The following ARMC2 variants were observed in gnomAD, a reference collection of about 807,000 sequenced individuals.
The protein encoded by ARMC2 is armadillo repeat containing 2.
Under a neutral mutation model 90.3 loss-of-function variants are expected in ARMC2, and 67 were observed. The ratio of observed to expected loss-of-function variants is 0.74; its 90% CI spans 0.61 to 0.91. The LOEUF (loss-of-function observed/expected upper bound fraction) is 0.91. ARMC2 is among the 40% of genes least tolerant of loss of function. The pLI is 0.00. For synonymous variants in ARMC2, 393 were observed against 393.0 expected, an observed-to-expected ratio of 1.00 and a Z score of 0.00; for missense variants, 920 against 1,030.9, an observed-to-expected ratio of 0.89 and a Z score of 1.47.
In ARMC2 at chr6:108,953,021, C is replaced by T. The variant is rs1367334446; in HGVS notation, c.1597-12C>T. 5.6e-6 allele frequency: 9 copies of T among 1,593,068 alleles called. No homozygotes were observed. The highest frequency in any genetic ancestry group is 2.3e-5 in the East Asian group (1 of 44,372). On this transcript the variant is annotated splice_polypyrimidine_tract_variant and intron_variant, in intron 12 of 17. Transcript: ENST00000392644. ...CCTTTGCACTTTTGACTCTGTCTTT[C>T]GTTTATTGCAGGATTTAGTCGTCCG...
At chr6:108,919,897 T>TG (rs1774382471) in intron 10 of ARMC2, among the ~76,000 whole-genome samples, 1 of 152,240 alleles carries the variant, frequency 6.6e-6, no homozygotes, top group African/African-American at 2.4e-5. Flanking sequence ...CTTTTGTGTC[T>TG]GGCACCTTTT....
At chr6:108,865,014 T>C (rs994527846) in intron 3 of ARMC2, among the ~76,000 whole-genome samples, 5 of 151,496 alleles carry the variant, frequency 3.3e-5, no homozygotes, top group Admixed American at 1.3e-4. Flanking sequence ...TTTTTTTTTT[T>C]TTGAGACAGA....
Position 108,964,195 on chromosome 6 carries a change from T to A in ARMC2, c.2168T>A (p.Met723Lys). 2 of 1,613,860 alleles carry A rather than the reference T, an allele frequency of 1.2e-6. No individual in the cohort carries two copies. Among genetic ancestry groups the A allele is most frequent in the Non-Finnish European group, 1.7e-6 (2 of 1,179,826 alleles). Residue 723 changes from methionine to lysine, a missense_variant, in exon 16 of 18, where the codon ATG (methionine) becomes AAG (lysine). By Grantham distance (95) the Met-to-Lys change is moderately conservative. Coordinates refer to ENST00000392644, the MANE Select transcript of ARMC2 (RefSeq NM_032131.6). ...TCCCTCGTAGTCCACAGGTTCATGA[T>A]GGCGCTGCTGGATGCTCAGCATCAG... ...IVQNNVHRFM[M>K]ALLDAQHQDI...
chr6:108,861,671 T>C (rs1775255790), intron 3 of ARMC2, among the ~76,000 whole-genome samples: 1 of 152,180 alleles, frequency 6.6e-6, no homozygotes, highest in East Asian at 1.9e-4. Flanking sequence ...TGTTGACACA[T>C]GGCTTGTTAA....
rs869186045 is a variant in ARMC2, at chr6:108,890,189, C to CAAAAAA, written c.672-4243_672-4238dup. ...TGGGTGACAGAGCGAGACTCCGTCT[C>CAAAAAA]AAAAAAAAAAAAAAAAAAAAAAAAA... On this transcript the variant is annotated intron_variant, in intron 5 of 17. Coordinates refer to ENST00000392644, the MANE Select transcript of ARMC2 (RefSeq NM_032131.6). Among the ~76,000 whole-genome samples, 327 of 64,230 alleles carry CAAAAAA rather than the reference C, an allele frequency of 5.1e-3. 50 individuals are homozygous for CAAAAAA. The highest frequency in any genetic ancestry group is 9.0e-3 in the African/African-American group (100 of 11,128). The allele number at this position is 64,230 out of a possible 152,430, so 42.1% of individuals were successfully genotyped here. A position where few individuals can be genotyped will look rare whatever the true frequency, so the allele number is the denominator to read the frequency against.
At chr6:108,888,955 A>G (rs935569520) in intron 5 of ARMC2, among the ~76,000 whole-genome samples, 2 of 152,128 alleles carry the variant, frequency 1.3e-5, no homozygotes, top group Admixed American at 6.6e-5. Context: ...TTGCCTGTCA[A>G]ATCAGATTCA....
chr6:108,950,259 C>T (rs1361205184), intron 12 of ARMC2, among the ~76,000 whole-genome samples: 2 of 152,070 alleles, frequency 1.3e-5, no homozygotes, highest in Non-Finnish European at 2.9e-5. Context: ...CCCAGAAATC[C>T]CATTATTGGG....
chr6:108,931,237 C>T (rs932231138), intron 11 of ARMC2, among the ~76,000 whole-genome samples: 6 of 151,870 alleles, frequency 4.0e-5, no homozygotes, highest in Non-Finnish European at 8.8e-5. Context: ...TCCATGTTCA[C>T]GCATAAGACT....
At chr6:108,903,271 T>C (rs1181081502) in intron 7 of ARMC2, among the ~76,000 whole-genome samples, 2 of 152,142 alleles carry the variant, frequency 1.3e-5, no homozygotes, top group Non-Finnish European at 2.9e-5. Context: ...TTAAATTTAT[T>C]TTTTATTTTA....
rs1440755836 is a variant in ARMC2 at position 108,928,379 on chromosome 6, A to G, written c.1496+146A>G. 6 of 817,440 alleles carry G rather than the reference A, an allele frequency of 7.3e-6. 1 individual carries two copies. In the East Asian group the frequency reaches 1.7e-4, roughly 24 times the overall value. 50.6% of individuals were successfully genotyped at this position (817,440 alleles called of 1,614,324 possible). On this transcript the variant is annotated intron_variant, in intron 11 of 17. Transcript: ENST00000392644. ...CCAGAAAGGGTAAATCTAGTGGCCC[A>G]AGTTAAAAATGAACAATTCAAACAA...
chr6:108,871,649 A>G (rs1038539677), intron 4 of ARMC2, among the ~76,000 whole-genome samples: 1 of 152,084 alleles, frequency 6.6e-6, no homozygotes, highest in African/African-American at 2.4e-5. Flanking sequence ...TGAGGTACAC[A>G]CTGATGTGAA....
chr6:108,868,884 C>A lies in ARMC2; in HGVS notation c.352C>A (p.Pro118Thr), dbSNP rs1311232366. Residue 118 changes from proline to threonine, a missense_variant, in exon 4 of 18, where the codon CCC (proline) becomes ACC (threonine). Transcript: ENST00000392644. ...EEDSCFSFPKPPVDPAKIRRV... is the reference protein window; with the variant it reads ...EEDSCFSFPKTPVDPAKIRRV... The stretch of plus-strand genomic sequence containing the variant: ...GGATTCCTGCTTTTCCTTTCCTAAG[C>A]CCCCAGTGGACCCTGCGAAGATTAG... The A allele has an allele frequency of 1.2e-6, 2 of 1,613,834 alleles. No homozygotes were observed. Among genetic ancestry groups the A allele is most frequent in the African/African-American group, 2.7e-5 (2 of 74,910 alleles).
chr6:109,044,178 A>G, the ARMC2 span, among the ~76,000 whole-genome samples: 1 of 151,772 alleles, frequency 6.6e-6, no homozygotes, highest in African/African-American at 2.4e-5. Context: ...ATCCAGGCAT[A>G]GTGGCACCTG....
At chr6:109,047,061 C>T in the ARMC2 span, among the ~76,000 whole-genome samples, 1 of 1,918 alleles carries the variant, frequency 5.2e-4, no homozygotes, top group Non-Finnish European at 9.5e-4. Flanking sequence ...GCCCTCCACC[C>T]GGCCAGCCGC....
chr6:108,864,414 A>G (rs1375698142), intron 3 of ARMC2, among the ~76,000 whole-genome samples: 2 of 151,802 alleles, frequency 1.3e-5, no homozygotes, highest in African/African-American at 4.8e-5. Flanking sequence ...ATGCCCAGCT[A>G]ATTTTTATAT....
the ARMC2 span, among the ~76,000 whole-genome samples, chr6:109,030,087 G>A: frequency 1.3e-5 from 2 of 152,024 alleles, no homozygotes; most frequent in East Asian, 1.9e-4. Context: ...ATAGCTTTTC[G>A]AGACACCTGG....
the ARMC2 span, among the ~76,000 whole-genome samples, chr6:109,022,082 G>A: frequency 4.0e-5 from 6 of 149,392 alleles, no homozygotes; most frequent in African/African-American, 1.2e-4. Flanking sequence ...TATATTTTTT[G>A]AGAACAACAT....
At chr6:109,024,128 G>T in the ARMC2 span, among the ~76,000 whole-genome samples, 3 of 152,128 alleles carry the variant, frequency 2.0e-5, no homozygotes, top group East Asian at 1.9e-4. Flanking sequence ...TTAAAAAAAA[G>T]ATGTAAAATA....
At chr6:108,987,673 A>G in the ARMC2 span, 1 of 1,069,498 alleles carries the variant, frequency 9.4e-7, no homozygotes, top group Non-Finnish European at 1.4e-6. Flanking sequence ...GGTTACAAGC[A>G]TTCACAATCA....
Sources: allele counts gnomAD v4.1 joint callset (sites outside exome capture counted in the v4.1 genomes callset), GRCh38; gene constraint gnomAD v4.1.1; transcripts MANE v1.5; gene names NCBI Gene and HGNC (gene_info 2026-07-23, HGNC 2026-07-21).